The following RFX8 variants were observed in gnomAD, a reference collection of about 807,000 sequenced individuals.
RFX8 encodes the protein regulatory factor X8.
Under a neutral mutation model 54.6 loss-of-function variants are expected in RFX8, and 46 were observed. The ratio of observed to expected loss-of-function variants is 0.84; its 90% CI spans 0.67 to 1.08. The LOEUF is 1.08. Among genes scored for constraint, RFX8 ranks in the 50% least tolerant of loss-of-function variants. RFX8 has a pLI of 0.00. For missense variants in RFX8, 536 were observed against 562.3 expected (o/e 0.95, Z 0.47); for synonymous variants, 192 against 209.5 (o/e 0.92, Z 0.72).
intron 2 of RFX8, among the ~76,000 whole-genome samples, chr2:101,447,231 T>C (rs1573450031): frequency 6.6e-6 from 1 of 150,990 alleles, no homozygotes; most frequent in East Asian, 1.9e-4. Flanking sequence ...GCAGCAGCCC[T>C]GGGGCCATCT....
chr2:101,418,539 C>A (rs1046109295), intron 5 of RFX8, among the ~76,000 whole-genome samples: 1 of 152,224 alleles, frequency 6.6e-6, no homozygotes, highest in Admixed American at 6.5e-5. Flanking sequence ...ATGCATATTA[C>A]AATTCCAATT....
intron 2 of RFX8, among the ~76,000 whole-genome samples, chr2:101,462,143 A>G (rs1324954759): frequency 1.3e-5 from 2 of 152,192 alleles, no homozygotes; most frequent in African/African-American, 2.4e-5. Context: ...GGATATGGTT[A>G]GGCTGGGCGC....
chr2:101,471,983 C>G (rs1365876719), intron 1 of RFX8, among the ~76,000 whole-genome samples: 1 of 152,050 alleles, frequency 6.6e-6, no homozygotes, highest in Non-Finnish European at 1.5e-5. Flanking sequence ...TCAGACCCCT[C>G]GCCCTGCACT....
Position 101,397,439 on chromosome 2 carries a change from T to C in RFX8, c.*109A>G, listed in dbSNP as rs1685189383. 3.3e-6 allele frequency: 2 copies of C among 609,350 alleles called. No individual in the cohort carries two copies. Among genetic ancestry groups the C allele is most frequent in the East Asian group, 3.1e-5 (1 of 32,418 alleles). The allele number at this position is 609,350 out of a possible 1,614,324, so 37.7% of individuals were successfully genotyped here. ...TAAACATAAAATAGACAATGCTACA[T>C]CTATTATATACATAACATCATCTTT... On this transcript the variant is annotated 3_prime_UTR_variant, in exon 12 of 12. Transcript: ENST00000428343.
chr2:101,435,468 C>G (rs890356156), intron 2 of RFX8, among the ~76,000 whole-genome samples: 2 of 152,086 alleles, frequency 1.3e-5, no homozygotes, highest in Non-Finnish European at 2.9e-5. Context: ...GAAACAAAAC[C>G]CAGGGATTTT....
chr2:101,436,187 T>C (rs1687773900), intron 2 of RFX8, among the ~76,000 whole-genome samples: 1 of 152,028 alleles, frequency 6.6e-6, no homozygotes, highest in Non-Finnish European at 1.5e-5. Context: ...ATAGAAGCAA[T>C]AGGGAGGAGA....
chr2:101,451,550 G>C (rs1044684408), intron 2 of RFX8, among the ~76,000 whole-genome samples: 1 of 151,876 alleles, frequency 6.6e-6, no homozygotes, highest in Non-Finnish European at 1.5e-5. Context: ...TAAGCCGGGC[G>C]TGGTGGCAGG....
intron 8 of RFX8, 55 bp from the exon 9 acceptor site, chr2:101,410,768 C>T: frequency 1.1e-6 from 1 of 929,274 alleles, no homozygotes; most frequent in Middle Eastern, 2.2e-4. Context: ...AGCAGAATTT[C>T]TCTTAGGTAT....
chr2:101,464,356 T>C (rs934655079), intron 2 of RFX8, among the ~76,000 whole-genome samples: 1 of 152,160 alleles, frequency 6.6e-6, no homozygotes, highest in Non-Finnish European at 1.5e-5. Context: ...CCCTAATCCA[T>C]GTAAAATATC....
At chr2:101,416,180 G>A (rs1686497089) in intron 6 of RFX8, among the ~76,000 whole-genome samples, 1 of 152,096 alleles carries the variant, frequency 6.6e-6, no homozygotes, top group African/African-American at 2.4e-5. Context: ...TGGGGGTGGA[G>A]GGAGTGTGGC....
chr2:101,438,347 A>G (rs117526672), intron 2 of RFX8, among the ~76,000 whole-genome samples: 1 of 152,194 alleles, frequency 6.6e-6, no homozygotes, highest in Non-Finnish European at 1.5e-5. Context: ...TCCACTGTGT[A>G]TATGTACCAC....
chr2:101,439,906 G>A (rs1043915051), intron 2 of RFX8, among the ~76,000 whole-genome samples: 2 of 152,118 alleles, frequency 1.3e-5, no homozygotes, highest in African/African-American at 4.8e-5. Context: ...CCTCCACTCA[G>A]TTCCAGTGAT....
intron 6 of RFX8, among the ~76,000 whole-genome samples, chr2:101,415,536 C>T (rs1686442379): frequency 6.6e-6 from 1 of 152,194 alleles, no homozygotes; most frequent in Admixed American, 6.5e-5. Context: ...ACTTTCTCAT[C>T]CTACACTGCT....
chr2:101,414,974 G>A (rs1177839205), intron 6 of RFX8, 62 bp from the exon 7 acceptor site: 2 of 1,281,218 alleles, frequency 1.6e-6, no homozygotes, highest in East Asian at 2.6e-5. Flanking sequence ...GTGGGCAGTG[G>A]GGAAGAGAAG....
At chr2:101,466,712 T>A in intron 2 of RFX8, 65 bp downstream of exon 2, 1 of 1,148,538 alleles carries the variant, frequency 8.7e-7, no homozygotes. Flanking sequence ...CAACATTTCC[T>A]CCAATAACTT....
intron 2 of RFX8, among the ~76,000 whole-genome samples, chr2:101,435,276 A>G (rs1282552674): frequency 6.6e-6 from 1 of 152,204 alleles, no homozygotes; most frequent in Non-Finnish European, 1.5e-5. Context: ...CCTTTAATAA[A>G]GCCGAGCTGA....
At chr2:101,397,960 G>A (rs1387981808) in intron 11 of RFX8, among the ~76,000 whole-genome samples, 3 of 152,128 alleles carry the variant, frequency 2.0e-5, no homozygotes, top group Non-Finnish European at 4.4e-5. Context: ...CTGGGTTCAA[G>A]CGATTCTCCT....
Position 101,410,601 on chromosome 2 carries a change from TA to T in RFX8, c.813+17del. ...ATGGTCAACACACTTTTTTTTTTTT[TA>T]AGTCACAGCTTCCTACCTGGAACAC... On this transcript the variant is annotated intron_variant, in intron 9 of 11. Coordinates refer to ENST00000428343, the MANE Select transcript of RFX8 (RefSeq NM_001145664.2). 7.4e-7 allele frequency: 1 copy of T among 1,343,776 alleles called. No individual in the cohort carries two copies. Among genetic ancestry groups the T allele is most frequent in the Non-Finnish European group, 1.0e-6 (1 of 972,584 alleles). 83.2% of individuals were successfully genotyped at this position (1,343,776 alleles called of 1,614,324 possible).
At chr2:101,462,537 A>T (rs1006208470) in intron 2 of RFX8, among the ~76,000 whole-genome samples, 1 of 152,212 alleles carries the variant, frequency 6.6e-6, no homozygotes, top group Non-Finnish European at 1.5e-5. Flanking sequence ...AATGTTTATG[A>T]TATTTGAGGC....
Sources: allele counts gnomAD v4.1 joint callset (sites outside exome capture counted in the v4.1 genomes callset), GRCh38; gene constraint gnomAD v4.1.1; transcripts MANE v1.5; gene names NCBI Gene and HGNC (gene_info 2026-07-23, HGNC 2026-07-21).